Variants in KSR2 observed in about 807,000 individuals in gnomAD.
KSR2 encodes the protein kinase suppressor of ras 2.
KSR2 carries 25 observed loss-of-function variants against 107.8 expected under a neutral mutation model. The ratio of observed to expected loss-of-function variants is 0.23; its 90% CI spans 0.17 to 0.32. KSR2 has a LOEUF of 0.32. KSR2 is among the 10% of genes least tolerant of loss of function. KSR2 has a pLI of 1.00. For synonymous variants in KSR2, 480 were observed against 507.0 expected (o/e 0.95, Z 0.71); for missense variants, 887 against 1,268.9 (o/e 0.70, Z 4.57).
At chr12:117,506,985 C>T (rs776420960) in intron 14 of KSR2, among the ~76,000 whole-genome samples, 4 of 152,106 alleles carry the variant, frequency 2.6e-5, no homozygotes, top group African/African-American at 7.2e-5. Flanking sequence ...CCAGGTAATT[C>T]GAATGTTCAC....
chr12:117,799,778 T>C (rs2071183258), intron 3 of KSR2, among the ~76,000 whole-genome samples: 1 of 152,162 alleles, frequency 6.6e-6, no homozygotes, highest in Non-Finnish European at 1.5e-5. Context: ...GTGAGCATAA[T>C]GGATGCAAAC....
At chr12:117,653,750 G>T (rs1486604367) in intron 5 of KSR2, among the ~76,000 whole-genome samples, 3 of 152,200 alleles carry the variant, frequency 2.0e-5, no homozygotes, top group African/African-American at 7.2e-5. Flanking sequence ...CGCCTAGCGG[G>T]CCTATTTGGA....
chr12:117,565,942 C>G (rs1348376376), intron 7 of KSR2, among the ~76,000 whole-genome samples: 2 of 152,026 alleles, frequency 1.3e-5, no homozygotes, highest in Non-Finnish European at 2.9e-5. Flanking sequence ...GTTACTTTTC[C>G]CCCCAGTATT....
At chr12:117,747,142 C>G (rs1888438555) in intron 4 of KSR2, among the ~76,000 whole-genome samples, 1 of 152,114 alleles carries the variant, frequency 6.6e-6, no homozygotes, top group South Asian at 2.1e-4. Context: ...CGTATGTTTA[C>G]TGCAGCACTT....
At chr12:117,950,343 C>A (rs1425167526) in intron 1 of KSR2, among the ~76,000 whole-genome samples, 2 of 152,054 alleles carry the variant, frequency 1.3e-5, no homozygotes, top group African/African-American at 4.8e-5. Context: ...GATAGATGAA[C>A]AGACATGTAA....
chr12:117,936,945 G>A (rs1476888428), intron 1 of KSR2, among the ~76,000 whole-genome samples: 1 of 152,164 alleles, frequency 6.6e-6, no homozygotes, highest in Non-Finnish European at 1.5e-5. Context: ...ACAAACATGA[G>A]CCAGAGCCCA....
intron 3 of KSR2, among the ~76,000 whole-genome samples, chr12:117,807,122 C>A (rs528382983): frequency 6.6e-6 from 1 of 152,300 alleles, no homozygotes; most frequent in South Asian, 2.1e-4. Context: ...AGCCCCTGAT[C>A]AAACCTAACA....
chr12:117,932,358 T>C (rs1566087688), intron 1 of KSR2, among the ~76,000 whole-genome samples: 2 of 152,082 alleles, frequency 1.3e-5, no homozygotes, highest in Non-Finnish European at 2.9e-5. Flanking sequence ...AGTTGACATA[T>C]GTTCACAAGA....
intron 1 of KSR2, among the ~76,000 whole-genome samples, chr12:117,867,246 G>T (rs1332231525): frequency 7.2e-5 from 11 of 152,046 alleles, no homozygotes; most frequent in Non-Finnish European, 8.8e-5. Flanking sequence ...AGCCTGGGAG[G>T]TCGAAGCTGC....
Position 117,467,189 on chromosome 12 carries a change from T to A in KSR2, c.*10A>T. ...CCCAGGCAGCTGGGCGCCGTCCCGATGTCCAAAGGTCACAGCCTGGAGTGG... is the reference window on the plus strand; with the variant it reads ...CCCAGGCAGCTGGGCGCCGTCCCGAAGTCCAAAGGTCACAGCCTGGAGTGG... On this transcript the variant is annotated 3_prime_UTR_variant, in exon 20 of 20. Transcript: ENST00000339824. 1 of 724,148 alleles carries A rather than the reference T, an allele frequency of 1.4e-6. No individual in the cohort carries two copies. Among genetic ancestry groups the A allele is most frequent in the South Asian group, 1.5e-5 (1 of 66,304 alleles). The allele number at this position is 724,148 out of a possible 1,614,324, so 44.9% of individuals were successfully genotyped here. A position where few individuals can be genotyped will look rare whatever the true frequency, so the allele number is the denominator to read the frequency against.
At chr12:117,664,595 T>C (rs964128510) in intron 5 of KSR2, among the ~76,000 whole-genome samples, 1 of 151,928 alleles carries the variant, frequency 6.6e-6, no homozygotes, top group Non-Finnish European at 1.5e-5. Flanking sequence ...AAAACCAGCA[T>C]TCTAATTGCA....
At position 117,558,531 on chromosome 12, in the gene KSR2, A is replaced by G. The variant is rs1366639611; in HGVS notation, c.1368T>C (p.Cys456=). The change falls in exon 8 of 20, where the codon TGT becomes TGC. Residue 456 remains cysteine, a synonymous_variant. Coordinates refer to ENST00000339824, the MANE Select transcript of KSR2 (RefSeq NM_173598.6). ...HNKCTKEAPP[C]HLLIIHRGDP... is the part of the protein sequence containing the mutation. ...CTCCTCGGTGGATGATCAGAAGATG[A>G]CAGGGTGGGGCTTCTTTGGTGCATT... 1 of 1,613,838 alleles carries G rather than the reference A, an allele frequency of 6.2e-7. No homozygotes were observed. The highest frequency in any genetic ancestry group is 8.5e-7 in the Non-Finnish European group (1 of 1,179,864).
chr12:117,878,777 TG>T (rs1299353866), intron 1 of KSR2, among the ~76,000 whole-genome samples: 1 of 152,198 alleles, frequency 6.6e-6, no homozygotes, highest in Non-Finnish European at 1.5e-5. Context: ...CTGCAGCAAT[TG>T]CTAAGCAGCT....
intron 1 of KSR2, among the ~76,000 whole-genome samples, chr12:117,961,837 T>C (rs1467133430): frequency 6.6e-6 from 1 of 152,124 alleles, no homozygotes; most frequent in Non-Finnish European, 1.5e-5. Context: ...TGAGATGGAA[T>C]ATATGAAGAG....
chr12:117,613,348 G>A (rs1565926446), intron 5 of KSR2, among the ~76,000 whole-genome samples: 1 of 152,186 alleles, frequency 6.6e-6, no homozygotes, highest in Non-Finnish European at 1.5e-5. Flanking sequence ...GGCCTCCCCA[G>A]AATTCCCCAG....
chr12:117,661,019 T>C (rs559352770), intron 5 of KSR2, among the ~76,000 whole-genome samples: 2 of 152,304 alleles, frequency 1.3e-5, no homozygotes, highest in Admixed American at 6.5e-5. Flanking sequence ...GAGTTGTCTA[T>C]AAAGATGTGA....
intron 3 of KSR2, among the ~76,000 whole-genome samples, chr12:117,781,504 G>A (rs1427967965): frequency 1.3e-5 from 2 of 152,106 alleles, no homozygotes; most frequent in Non-Finnish European, 2.9e-5. Flanking sequence ...AAGTCAAAGT[G>A]GAGAGCTGAG....
chr12:117,860,304 T>C lies in KSR2; in HGVS notation c.308A>G (p.Lys103Arg). 5 of 1,613,414 alleles carry C rather than the reference T, an allele frequency of 3.1e-6. No homozygotes were observed. Among genetic ancestry groups the C allele is most frequent in the Non-Finnish European group, 4.2e-6 (5 of 1,179,470 alleles). The change falls in exon 2 of 20, where the codon AAG becomes AGG. Residue 103 changes from lysine (K) to arginine (R), a missense_variant. By Grantham distance (26) the Lys-to-Arg change is conservative. Transcript: ENST00000339824. Reference protein sequence around the residue: ...RHWFRIVDVRKEVLEEISPGQ... With the variant: ...RHWFRIVDVRREVLEEISPGQ... ...CCCCCAGGTCACCTCCAGGACCTCC[T>C]TGCGCACATCGACGATTCGGAACCA...
intron 5 of KSR2, among the ~76,000 whole-genome samples, chr12:117,582,725 C>T (rs182521464): frequency 1.4e-4 from 22 of 152,296 alleles, no homozygotes; most frequent in African/African-American, 4.8e-4. Flanking sequence ...CCTCACCTTA[C>T]AGAAGAAAAA....
Sources: allele counts gnomAD v4.1 joint callset (sites outside exome capture counted in the v4.1 genomes callset), GRCh38; gene constraint gnomAD v4.1.1; transcripts MANE v1.5; gene names NCBI Gene and HGNC (gene_info 2026-07-23, HGNC 2026-07-21).